Variants in YWHAE observed in about 807,000 individuals in gnomAD.
YWHAE encodes the protein tyrosine 3-monooxygenase/tryptophan 5-monooxygenase activation protein epsilon.
In YWHAE, 4 loss-of-function variants were observed where a neutral mutation model predicts 30.1. The observed-to-expected ratio is 0.13, with a 90% confidence interval of 0.07 to 0.30. The LOEUF (loss-of-function observed/expected upper bound fraction) is 0.30, where lower values mean the gene tolerates loss of function less well. Among genes scored for constraint, YWHAE ranks in the 10% least tolerant of loss-of-function variants. The pLI, the probability that YWHAE is intolerant of heterozygous loss-of-function variation, is 1.00. For missense variants in YWHAE, 121 were observed against 315.9 expected (o/e 0.38, Z 4.68); for synonymous variants, 118 against 111.8 (o/e 1.06, Z -0.35).
intron 4 of YWHAE, among the ~76,000 whole-genome samples, chr17:1,360,036 C>A (rs1458329291): frequency 2.6e-5 from 4 of 151,942 alleles, no homozygotes; most frequent in Non-Finnish European, 5.9e-5. Flanking sequence ...AATCGAGGCT[C>A]ACCGCAACCT....
intron 1 of YWHAE, among the ~76,000 whole-genome samples, chr17:1,394,532 G>A (rs941783992): frequency 1.3e-5 from 2 of 151,436 alleles, no homozygotes; most frequent in African/African-American, 4.9e-5. Context: ...CTGGAACTCA[G>A]GAGGTCGAGC....
chr17:1,378,976 T>A (rs1353741158), intron 1 of YWHAE, among the ~76,000 whole-genome samples: 2 of 151,762 alleles, frequency 1.3e-5, no homozygotes, highest in African/African-American at 2.4e-5. Context: ...AAATTCAGTA[T>A]GATCCCCAAG....
chr17:1,361,333 ATTT>A, intron 3 of YWHAE, 35 bp from the exon 4 acceptor site: 9 of 1,235,730 alleles, frequency 7.3e-6, no homozygotes, highest in Non-Finnish European at 1.0e-5. Context: ...AAAAAAAAAA[ATTT>A]AAACTAGGAA....
chr17:1,398,220 T>C (rs999169077), intron 1 of YWHAE, among the ~76,000 whole-genome samples: 5 of 152,246 alleles, frequency 3.3e-5, no homozygotes, highest in African/African-American at 1.2e-4. Context: ...GGGGAACATC[T>C]GGAGATGAGG....
chr17:1,353,929 C>G (rs559482321), intron 5 of YWHAE, among the ~76,000 whole-genome samples: 1 of 152,224 alleles, frequency 6.6e-6, no homozygotes, highest in African/African-American at 2.4e-5. Context: ...ACTTCAGCCC[C>G]CTAAAATTGA....
intron 4 of YWHAE, among the ~76,000 whole-genome samples, chr17:1,360,066 A>C (rs1035303337): frequency 2.0e-5 from 3 of 151,928 alleles, no homozygotes; most frequent in African/African-American, 7.3e-5. Flanking sequence ...GGGTTCAAAC[A>C]ATTCTCCTGT....
chr17:1,367,548 G>C (rs1424864708), intron 1 of YWHAE, among the ~76,000 whole-genome samples: 16 of 152,124 alleles, frequency 1.1e-4, no homozygotes, highest in Non-Finnish European at 2.4e-4. Flanking sequence ...GAGCTATTAG[G>C]TTGGTACAAA....
chr17:1,399,600 G>A, intron 1 of YWHAE: 1 of 194,856 alleles, frequency 5.1e-6, no homozygotes, highest in Non-Finnish European at 1.1e-5. Context: ...AGGCGCCCGC[G>A]CTACAGCTCC....
intron 4 of YWHAE, among the ~76,000 whole-genome samples, chr17:1,356,774 G>T (rs2072750776): frequency 6.9e-6 from 1 of 144,596 alleles, no homozygotes; most frequent in Non-Finnish European, 1.5e-5. Context: ...GCCTGACCAA[G>T]ATGGTGAAAA....
At chr17:1,394,444 A>AAAAAAAAAAAAAAAAAAAAAAAC (rs1567987784) in intron 1 of YWHAE, among the ~76,000 whole-genome samples, 1 of 139,736 alleles carries the variant, frequency 7.2e-6, no homozygotes, top group African/African-American at 2.9e-5. Flanking sequence ...CACAAAAAAA[A>AAAAAAAAAAAAAAAAAAAAAAAC]AAAAAAAAAA....
intron 1 of YWHAE, among the ~76,000 whole-genome samples, chr17:1,394,451 A>AAAAAAAAAAACAAAAAC (rs1486474505): frequency 6.7e-6 from 1 of 149,756 alleles, no homozygotes; most frequent in African/African-American, 2.5e-5. Flanking sequence ...AAAAAAAAAA[A>AAAAAAAAAAACAAAAAC]AAAAAAAAAA....
At chr17:1,373,979 T>C (rs1205356523) in intron 1 of YWHAE, among the ~76,000 whole-genome samples, 2 of 152,134 alleles carry the variant, frequency 1.3e-5, no homozygotes, top group Non-Finnish European at 2.9e-5. Context: ...TAGTGTAGCA[T>C]GCATCAGTAC....
At chr17:1,364,309 C>T (rs1359487352) in intron 2 of YWHAE, among the ~76,000 whole-genome samples, 2 of 151,770 alleles carry the variant, frequency 1.3e-5, no homozygotes, top group African/African-American at 4.8e-5. Context: ...TCACCGCAAG[C>T]TCCGCCTCCC....
intron 5 of YWHAE, among the ~76,000 whole-genome samples, chr17:1,351,843 T>TGG (rs1048334954): frequency 7.2e-5 from 11 of 152,136 alleles, no homozygotes; most frequent in African/African-American, 2.7e-4. Context: ...TAGAGTGCAG[T>TGG]GGGGCGTGAT....
At chr17:1,370,166 C>T (rs997368344) in intron 1 of YWHAE, among the ~76,000 whole-genome samples, 1 of 125,276 alleles carries the variant, frequency 8.0e-6, no homozygotes, top group Non-Finnish European at 1.6e-5. Flanking sequence ...CTCGCTCTGT[C>T]ACCAGGCTGG....
At chr17:1,347,590 G>C (rs1272778940) in intron 5 of YWHAE, among the ~76,000 whole-genome samples, 1 of 152,168 alleles carries the variant, frequency 6.6e-6, no homozygotes, top group Non-Finnish European at 1.5e-5. Flanking sequence ...AGGGATGAAA[G>C]AACTGATGGG....
chr17:1,371,259 T>C (rs924416496), intron 1 of YWHAE, among the ~76,000 whole-genome samples: 1 of 152,042 alleles, frequency 6.6e-6, no homozygotes, highest in Non-Finnish European at 1.5e-5. Flanking sequence ...ATTTTTATTA[T>C]TTTTTTGTAA....
chr17:1,359,553 T>C (rs919206898), intron 4 of YWHAE, among the ~76,000 whole-genome samples: 1 of 151,944 alleles, frequency 6.6e-6, no homozygotes, highest in Non-Finnish European at 1.5e-5. Context: ...TGCTTTTACA[T>C]GGATAAAAAC....
At chr17:1,370,040 A>G (rs1417164589) in intron 1 of YWHAE, among the ~76,000 whole-genome samples, 1 of 150,592 alleles carries the variant, frequency 6.6e-6, no homozygotes, top group African/African-American at 2.4e-5. Flanking sequence ...GAAGTCTGCC[A>G]TGTTGATGGG....
Sources: allele counts gnomAD v4.1 joint callset (sites outside exome capture counted in the v4.1 genomes callset), GRCh38; gene constraint gnomAD v4.1.1; transcripts MANE v1.5; gene names NCBI Gene and HGNC (gene_info 2026-07-23, HGNC 2026-07-21).